Variants in SLC22A14 observed in about 807,000 individuals in gnomAD.
The protein encoded by SLC22A14 is solute carrier family 22 member 14.
Under a neutral mutation model 53.9 loss-of-function variants are expected in SLC22A14, and 50 were observed. The ratio of observed to expected loss-of-function variants is 0.93; its 90% CI spans 0.74 to 1.17. SLC22A14 has a LOEUF of 1.17. SLC22A14 is among the 50% of genes most tolerant of loss of function. SLC22A14 has a pLI of 0.00. For missense variants in SLC22A14, 671 were observed against 734.7 expected, an observed-to-expected ratio of 0.91 and a Z score of 1.00; for synonymous variants, 312 against 303.0, an observed-to-expected ratio of 1.03 and a Z score of -0.31.
intron 1 of SLC22A14, among the ~76,000 whole-genome samples, chr3:38,298,124 T>C (rs1210686890): frequency 1.3e-5 from 2 of 152,200 alleles, no homozygotes; most frequent in East Asian, 3.8e-4. Context: ...CATTATTTAT[T>C]TTATTGCTAA....
rs1254957275 is a variant in SLC22A14, at chr3:38,307,351, C to G, written c.614C>G (p.Thr205Ser). 6.2e-7 allele frequency: 1 copy of G among 1,612,100 alleles called. No homozygotes were observed. The highest frequency in any genetic ancestry group is 1.3e-5 in the African/African-American group (1 of 75,010). ...PIGSLIFRLI[T>S]DKMGRYPAIL... Reference sequence around the variant, plus strand: ...GGCTCTCTCATCTTCAGGCTCATAACTGACAAGTGAGTCCCCGGGAGTTTC... The same window carrying G: ...GGCTCTCTCATCTTCAGGCTCATAAGTGACAAGTGAGTCCCCGGGAGTTTC... The change falls in exon 3 of 11, where the codon ACT (threonine) becomes AGT (serine). Residue 205 changes from threonine to serine, a missense_variant. Transcript: ENST00000448498. This position sits in a 1 kb window ranked among gnomAD's most constrained non-coding sequence, Gnocchi z 4.4.
intron 1 of SLC22A14, among the ~76,000 whole-genome samples, chr3:38,294,132 G>C (rs1360939677): frequency 6.6e-6 from 1 of 151,484 alleles, no homozygotes; most frequent in African/African-American, 2.4e-5. Context: ...GGCACTCTTT[G>C]GTTCATTGTT....
chr3:38,318,464 G>T lies in SLC22A14; in HGVS notation c.*215G>T. 3.5e-6 allele frequency: 2 copies of T among 571,492 alleles called. No individual in the cohort carries two copies. Among genetic ancestry groups the T allele is most frequent in the South Asian group, 4.5e-5 (2 of 44,898 alleles). The allele number at this position is 571,492 out of a possible 1,614,324, so 35.4% of individuals were successfully genotyped here. On this transcript the variant is annotated 3_prime_UTR_variant, in exon 11 of 11. Transcript: ENST00000448498. Reference sequence around the variant, plus strand: ...AATTCCAGGCCTAGTTCAGTCTGGGGGCAGGGTCAGTCCTTCTCCCAGGCC... The same window carrying T: ...AATTCCAGGCCTAGTTCAGTCTGGGTGCAGGGTCAGTCCTTCTCCCAGGCC...
chr3:38,313,685 T>TGTGCGTGTGTGTGCGCGC, intron 7 of SLC22A14, 42 bp from the exon 8 acceptor site: 2 of 901,922 alleles, frequency 2.2e-6, no homozygotes, highest in African/African-American at 3.2e-5. Context: ...TCCGTGTGTG[T>TGTGCGTGTGTGTGCGCGC]GCGCGCGTGT....
At chr3:38,287,569 GCTTT>G (rs929844025) in intron 1 of SLC22A14, among the ~76,000 whole-genome samples, 19 of 152,090 alleles carry the variant, frequency 1.2e-4, no homozygotes, top group African/African-American at 4.6e-4. Context: ...ATATTTCTGG[GCTTT>G]CTATTAGCTA....
At chr3:38,281,825 GCCACTT>G (rs1288276247), upstream of SLC22A14, among the ~76,000 whole-genome samples, 12 of 152,296 alleles carry the variant, frequency 7.9e-5, no homozygotes, top group East Asian at 2.1e-3. Context: ...TTCCTGTCCT[GCCACTT>G]TGGCCTCCCT....
chr3:38,308,492 C>T (rs1011020851), intron 4 of SLC22A14, among the ~76,000 whole-genome samples: 4 of 152,376 alleles, frequency 2.6e-5, no homozygotes, highest in African/African-American at 9.6e-5. Flanking sequence ...GCACCCAGTG[C>T]AGCCTTATAG....
chr3:38,317,946 T>C (rs1704666650), intron 10 of SLC22A14, among the ~76,000 whole-genome samples: 1 of 152,092 alleles, frequency 6.6e-6, no homozygotes, highest in African/African-American at 2.4e-5. Flanking sequence ...TGGCAAGTGC[T>C]CAGTAAATGC....
intron 1 of SLC22A14, among the ~76,000 whole-genome samples, chr3:38,302,330 T>TTA (rs5848406): frequency 0.052 from 7,394 of 143,258 alleles, 220 homozygotes; most frequent in East Asian, 0.14. Flanking sequence ...ACATATATAT[T>TTA]TATATATATA....
intron 1 of SLC22A14, among the ~76,000 whole-genome samples, chr3:38,301,280 TG>T (rs1704154535): frequency 6.6e-6 from 1 of 152,204 alleles, no homozygotes; most frequent in Non-Finnish European, 1.5e-5. Flanking sequence ...ATTGCCAAAT[TG>T]TCCTTCAGAA....
intron 1 of SLC22A14, among the ~76,000 whole-genome samples, chr3:38,302,242 A>C (rs961113649): frequency 6.8e-6 from 1 of 147,326 alleles, no homozygotes; most frequent in Non-Finnish European, 1.5e-5. Context: ...CTCAAAAAAA[A>C]AAAGTATATA....
At chr3:38,301,062 T>TC (rs1183388720) in intron 1 of SLC22A14, among the ~76,000 whole-genome samples, 2 of 151,812 alleles carry the variant, frequency 1.3e-5, no homozygotes, top group African/African-American at 4.8e-5. Flanking sequence ...CAGGCATTTC[T>TC]CCCCCCTCAG....
intron 1 of SLC22A14, among the ~76,000 whole-genome samples, chr3:38,297,811 G>A (rs190065853): frequency 8.2e-4 from 125 of 152,192 alleles, no homozygotes; most frequent in Non-Finnish European, 1.3e-3. Context: ...TCACTATGAA[G>A]TTATTATTTT....
At chr3:38,282,547 G>A (rs1303005411) in intron 1 of SLC22A14, among the ~76,000 whole-genome samples, 1 of 152,196 alleles carries the variant, frequency 6.6e-6, no homozygotes, top group Non-Finnish European at 1.5e-5. Context: ...CTCAGGTGTG[G>A]CGTCTGGCCA....
At chr3:38,316,823 C>T (rs775287636) in intron 10 of SLC22A14, among the ~76,000 whole-genome samples, 16 of 152,240 alleles carry the variant, frequency 1.1e-4, no homozygotes, top group Non-Finnish European at 2.2e-4. Flanking sequence ...GCATACCCTC[C>T]AGGGGCACTC....
intron 1 of SLC22A14, among the ~76,000 whole-genome samples, chr3:38,295,312 C>G (rs2106078): frequency 6.6e-6 from 1 of 152,264 alleles, no homozygotes; most frequent in Non-Finnish European, 1.5e-5. Flanking sequence ...TAGTAAGCTA[C>G]CTTTTTGCTT....
rs535831081 is a variant in SLC22A14 at position 38,295,934 on chromosome 3, G to A, written c.1-10093G>A. 9.9e-5 allele frequency among the ~76,000 whole-genome samples: 15 copies of A among 152,238 alleles called. No homozygotes were observed. In the East Asian group the frequency reaches 2.7e-3, roughly 27 times the overall value. On this transcript the variant is annotated intron_variant, in intron 1 of 10. Coordinates refer to ENST00000448498, the MANE Select transcript of SLC22A14 (RefSeq NM_001320033.2). The stretch of plus-strand genomic sequence containing the variant: ...GAGAGCTATATACCTAAATCAGGAG[G>A]GACACCAGGGACAAGACTCCCTGGG...
chr3:38,299,290 A>G (rs1421822582), intron 1 of SLC22A14, among the ~76,000 whole-genome samples: 1 of 152,074 alleles, frequency 6.6e-6, no homozygotes, highest in Non-Finnish European at 1.5e-5. Flanking sequence ...CTCCCCTCCC[A>G]TTCCGTCTAC....
intron 1 of SLC22A14, among the ~76,000 whole-genome samples, chr3:38,294,190 T>G (rs936638269): frequency 2.6e-5 from 4 of 151,064 alleles, no homozygotes; most frequent in Admixed American, 6.6e-5. Context: ...GAAGGGGGGT[T>G]CTTATTAGTT....
Sources: gnomAD v4.1 joint callset for allele counts (sites outside exome capture counted in the v4.1 genomes callset) on GRCh38, gnomAD v4.1.1 for gene constraint, Gnocchi (gnomAD v3.1) non-coding constraint, MANE v1.5 for transcripts, NCBI Gene and HGNC (gene_info 2026-07-23, HGNC 2026-07-21) for gene names.